Variants in GRAMD1C observed in about 807,000 individuals in gnomAD.
GRAMD1C encodes the protein GRAM domain containing 1C, also known as protein Aster-C.
GRAMD1C carries 89 observed loss-of-function variants against 97.8 expected under a neutral mutation model. That is an observed-to-expected ratio of 0.91 (90% CI 0.77 to 1.09). The LOEUF (loss-of-function observed/expected upper bound fraction) is 1.09, where lower values mean the gene tolerates loss of function less well. Among genes scored for constraint, GRAMD1C ranks in the 50% least tolerant of loss-of-function variants. The pLI is 0.00. For synonymous variants in GRAMD1C, 256 were observed against 267.0 expected (o/e 0.96, Z 0.40); for missense variants, 740 against 766.4 (o/e 0.97, Z 0.41).
At chr3:113,904,382 C>A in intron 8 of GRAMD1C, 110 bp downstream of exon 8, 1 of 768,588 alleles carries the variant, frequency 1.3e-6, no homozygotes, top group Non-Finnish European at 2.1e-6. Context: ...AGATATCAGA[C>A]TCCTACCTTA....
chr3:113,933,927 A>G (rs9865782), intron 12 of GRAMD1C, among the ~76,000 whole-genome samples: 71,163 of 151,964 alleles, frequency 0.47, 18,845 homozygotes, highest in Non-Finnish European at 0.59. Context: ...CATTGACCAG[A>G]ACCAGTCATG....
intron 10 of GRAMD1C, among the ~76,000 whole-genome samples, chr3:113,929,324 T>C (rs1438808725): frequency 2.6e-5 from 4 of 152,220 alleles, no homozygotes; most frequent in Admixed American, 6.5e-5. Context: ...TAAGCTTTAC[T>C]TAGGTATTGG....
At chr3:113,885,517 C>G (rs1935440665) in intron 6 of GRAMD1C, 4 of 1,606,342 alleles carry the variant, frequency 2.5e-6, no homozygotes, top group Non-Finnish European at 3.4e-6. Flanking sequence ...GACACTTATT[C>G]ACTCCCACCA....
chr3:113,871,671 GGAGGCGGAGCTTGCAGT>G (rs1934814777), intron 3 of GRAMD1C, among the ~76,000 whole-genome samples: 1 of 149,782 alleles, frequency 6.7e-6, no homozygotes, highest in Admixed American at 6.7e-5. Context: ...TGTGAACCTG[GGAGGCGGAGCTTGCAGT>G]GAGCCAAGAT....
chr3:113,932,705 T>G (rs1937481749), intron 11 of GRAMD1C, among the ~76,000 whole-genome samples: 1 of 152,166 alleles, frequency 6.6e-6, no homozygotes, highest in Non-Finnish European at 1.5e-5. Context: ...GTAATTTCTG[T>G]AAGTCCCTTT....
intron 2 of GRAMD1C, among the ~76,000 whole-genome samples, chr3:113,864,170 T>G (rs571307455): frequency 3.3e-5 from 5 of 152,214 alleles, no homozygotes; most frequent in African/African-American, 1.2e-4. Context: ...TGGAGTGCAA[T>G]GGGATGATCT....
chr3:113,920,174 G>A (rs1936986721), intron 10 of GRAMD1C: 5 of 1,397,576 alleles, frequency 3.6e-6, no homozygotes, highest in Non-Finnish European at 5.0e-6. Context: ...AGAATCACAG[G>A]CATCTGCTCA....
chr3:113,935,579 A>G (rs1009745206), intron 13 of GRAMD1C, among the ~76,000 whole-genome samples: 1 of 151,944 alleles, frequency 6.6e-6, no homozygotes, highest in Middle Eastern at 3.4e-3. Context: ...CACAAGCATA[A>G]TTTAAGTTTA....
At chr3:113,849,787 C>T (rs372378764) in intron 2 of GRAMD1C, among the ~76,000 whole-genome samples, 4 of 152,276 alleles carry the variant, frequency 2.6e-5, no homozygotes, top group African/African-American at 7.2e-5. Context: ...CATGATGGCC[C>T]GTTCTCAATG....
At chr3:113,858,810 C>A (rs1311110752) in intron 2 of GRAMD1C, among the ~76,000 whole-genome samples, 2 of 152,024 alleles carry the variant, frequency 1.3e-5, no homozygotes, top group East Asian at 3.9e-4. Context: ...CCGCCCTCCT[C>A]GGCTTCCCAA....
intron 17 of GRAMD1C, 132 bp downstream of exon 17, chr3:113,940,477 C>T (rs188798487): frequency 1.3e-4 from 75 of 588,048 alleles, no homozygotes; most frequent in Admixed American, 1.2e-3. Context: ...ACTACCCCTG[C>T]CAGTCTCTAG....
At chr3:113,834,772 A>G (rs1197200502), upstream of GRAMD1C, among the ~76,000 whole-genome samples, 1 of 115,810 alleles carries the variant, frequency 8.6e-6, no homozygotes, top group East Asian at 2.5e-4. Flanking sequence ...TGTCTCTACT[A>G]AAAAAAAAAA....
In GRAMD1C at chr3:113,839,007, T is replaced by C. The variant is rs1709703367; in HGVS notation, c.27+71T>C. On this transcript the variant is annotated intron_variant, in intron 1 of 17. Coordinates refer to ENST00000358160, the MANE Select transcript of GRAMD1C (RefSeq NM_017577.5). ...GCCTACTTTTTCTCACGGTGATTGCTTGAACCTTCTCAGATTACAGTTAAT... is the reference window on the plus strand; with the variant it reads ...GCCTACTTTTTCTCACGGTGATTGCCTGAACCTTCTCAGATTACAGTTAAT... 5 of 955,574 alleles carry C rather than the reference T, an allele frequency of 5.2e-6. No individual in the cohort carries two copies. In the East Asian group the frequency reaches 1.6e-4, roughly 31 times the overall value. 59.2% of individuals were successfully genotyped at this position (955,574 alleles called of 1,614,324 possible). A position where few individuals can be genotyped will look rare whatever the true frequency, so the allele number is the denominator to read the frequency against.
intron 2 of GRAMD1C, among the ~76,000 whole-genome samples, chr3:113,863,961 C>G (rs1412367203): frequency 4.6e-5 from 7 of 152,180 alleles, no homozygotes; most frequent in East Asian, 1.9e-4. Context: ...CTTTCATGCT[C>G]TACCACATGG....
chr3:113,845,696 C>A (rs1933576460), intron 2 of GRAMD1C, among the ~76,000 whole-genome samples: 1 of 152,068 alleles, frequency 6.6e-6, no homozygotes, highest in Middle Eastern at 3.4e-3. Flanking sequence ...CAGAGAGAGA[C>A]CCTGTCTCAA....
chr3:113,917,522 G>T (rs1376830730), intron 10 of GRAMD1C, among the ~76,000 whole-genome samples: 2 of 151,666 alleles, frequency 1.3e-5, no homozygotes, highest in Non-Finnish European at 2.9e-5. Context: ...GGGGTTTGCC[G>T]TGTTGGCCAT....
intron 6 of GRAMD1C, chr3:113,885,741 A>C (rs1935451468): frequency 1.3e-6 from 2 of 1,573,678 alleles, no homozygotes; most frequent in African/African-American, 2.7e-5. Flanking sequence ...GGACAATAGC[A>C]GAAGCATCCT....
At chr3:113,835,621 T>C (rs912566423), upstream of GRAMD1C, among the ~76,000 whole-genome samples, 3 of 152,226 alleles carry the variant, frequency 2.0e-5, no homozygotes, top group African/African-American at 7.2e-5. Context: ...ATTGGGTATC[T>C]TAATACATCT....
chr3:113,933,983 T>C (rs1937529862), intron 12 of GRAMD1C, among the ~76,000 whole-genome samples: 1 of 152,158 alleles, frequency 6.6e-6, no homozygotes, highest in East Asian at 1.9e-4. Context: ...GGGGGAGTGC[T>C]CAGTGAGCGG....
Sources: gnomAD v4.1 joint callset for allele counts (sites outside exome capture counted in the v4.1 genomes callset) on GRCh38, gnomAD v4.1.1 for gene constraint, MANE v1.5 for transcripts, NCBI Gene and HGNC (gene_info 2026-07-23, HGNC 2026-07-21) for gene names.